The following KCNQ5 variants were observed in gnomAD, a reference collection of about 807,000 sequenced individuals.
KCNQ5 encodes potassium voltage-gated channel subfamily Q member 5, also known as potassium voltage-gated channel subfamily KQT member 5.
In KCNQ5, 30 loss-of-function variants were observed where a neutral mutation model predicts 98.2. The ratio of observed to expected loss-of-function variants is 0.31; its 90% CI spans 0.23 to 0.41. The LOEUF (loss-of-function observed/expected upper bound fraction) is 0.41, where lower values mean the gene tolerates loss of function less well. Ranked by LOEUF, KCNQ5 falls within the 10% of genes least tolerant of loss-of-function variation. The pLI is 1.00. For missense variants in KCNQ5, 835 were observed against 1,182.5 expected (o/e 0.71, Z 4.31); for synonymous variants, 458 against 449.4 (o/e 1.02, Z -0.24).
intron 1 of KCNQ5, among the ~76,000 whole-genome samples, chr6:72,649,263 G>C (rs1023436136): frequency 1.3e-5 from 2 of 152,230 alleles, no homozygotes; most frequent in South Asian, 2.1e-4. Context: ...GAATCTCTAC[G>C]TATTTTAAAA....
In KCNQ5 at chr6:72,622,231, C is replaced by G. The variant is rs1049687889; in HGVS notation, c.42C>G (p.Ala14=). 4.0e-6 allele frequency: 5 copies of G among 1,237,698 alleles called. No homozygotes were observed. Among genetic ancestry groups the G allele is most frequent in the Non-Finnish European group, 5.0e-6 (5 of 992,360 alleles). The allele number at this position is 1,237,698 out of a possible 1,614,324, so 76.7% of individuals were successfully genotyped here. ...CGGGAGGAGAGGAGGGCGGCGCCGC[C>G]GGGCTCTGGGTGAAGAGCGGCGCAG... ...HHAGGEEGGA[A]GLWVKSGAAA... is the part of the protein sequence containing the mutation. Residue 14 remains alanine (A), a synonymous_variant, in exon 1 of 14, where the codon GCC becomes GCG. Transcript: ENST00000370398. The surrounding 1 kb of genome is among the most constrained non-coding windows in gnomAD (Gnocchi z 6.0).
intron 1 of KCNQ5, among the ~76,000 whole-genome samples, chr6:72,941,360 T>C (rs367774065): frequency 9.9e-5 from 4 of 40,398 alleles, no homozygotes; most frequent in South Asian, 4.3e-3. Flanking sequence ...TTCCTTCTTT[T>C]CTTCCTTCCT....
At chr6:72,779,821 CTGTGTGTGTGTGTGTGTGTGTG>C (rs35526812) in intron 1 of KCNQ5, among the ~76,000 whole-genome samples, 11,948 of 124,914 alleles carry the variant, frequency 0.096, 718 homozygotes, top group Non-Finnish European at 0.14. Flanking sequence ...ATTTAATTTT[CTGTGTGTGTGTGTGTGTGTGTG>C]TGTGTGTGTG....
chr6:73,042,848 T>C (rs1771774275), intron 3 of KCNQ5, among the ~76,000 whole-genome samples: 2 of 152,148 alleles, frequency 1.3e-5, no homozygotes, highest in African/African-American at 4.8e-5. Context: ...GAAAAGTCTA[T>C]ATATAAAAGC....
intron 1 of KCNQ5, among the ~76,000 whole-genome samples, chr6:72,946,755 GT>G (rs1165389857): frequency 1.3e-5 from 2 of 152,176 alleles, no homozygotes; most frequent in Non-Finnish European, 2.9e-5. Context: ...TGATATTTCT[GT>G]TAATTATAAC....
At chr6:72,762,156 A>AC (rs1306034972) in intron 1 of KCNQ5, among the ~76,000 whole-genome samples, 2 of 152,076 alleles carry the variant, frequency 1.3e-5, no homozygotes, top group Non-Finnish European at 2.9e-5. Context: ...AATATGTGCT[A>AC]CCATTCCATA....
chr6:72,859,799 A>G (rs1012035371), intron 1 of KCNQ5, among the ~76,000 whole-genome samples: 3 of 152,058 alleles, frequency 2.0e-5, no homozygotes, highest in African/African-American at 4.8e-5. Context: ...CCTGTTTCTC[A>G]GGCTGGTCTC....
In KCNQ5 at chr6:72,732,452, G is replaced by A. The variant is rs1282230648; in HGVS notation, c.398+109865G>A. ...CTAAAGAGAAGAGCCAACGGGCAGA[G>A]AACTTGCCCAGCAAGAACAGAGTGT... On this transcript the variant is annotated intron_variant, in intron 1 of 13. Coordinates refer to ENST00000370398, the MANE Select transcript of KCNQ5 (RefSeq NM_019842.4). 2.0e-5 allele frequency among the ~76,000 whole-genome samples: 3 copies of A among 152,176 alleles called. No homozygotes were observed. In the East Asian group the frequency reaches 5.8e-4, roughly 29 times the overall value.
chr6:72,764,416 C>A (rs1326228604), intron 1 of KCNQ5, among the ~76,000 whole-genome samples: 2 of 151,942 alleles, frequency 1.3e-5, no homozygotes, highest in African/African-American at 4.8e-5. Flanking sequence ...GCTAGGAATA[C>A]TGTTTTGAAC....
chr6:72,966,388 G>A (rs867083657), intron 1 of KCNQ5, among the ~76,000 whole-genome samples: 3 of 150,330 alleles, frequency 2.0e-5, no homozygotes, highest in African/African-American at 7.4e-5. Flanking sequence ...GTGAAACCCT[G>A]TCTCTATTAA....
intron 1 of KCNQ5, among the ~76,000 whole-genome samples, chr6:72,918,017 G>C (rs1780234522): frequency 6.6e-6 from 1 of 152,106 alleles, no homozygotes; most frequent in South Asian, 2.1e-4. Flanking sequence ...GCACCCCTTA[G>C]TTGTAACAAC....
In KCNQ5 at chr6:73,193,438, C is replaced by A. The variant is rs1471815102; in HGVS notation, c.1836+747C>A. On this transcript the variant is annotated intron_variant, in intron 13 of 13. Coordinates refer to ENST00000370398, the MANE Select transcript of KCNQ5 (RefSeq NM_019842.4). Reference sequence around the variant, plus strand: ...GTCAGGAGTTCAAGACCAACCTGACCAACATGGTGAAACCCTGTCTCTACT... The same window carrying A: ...GTCAGGAGTTCAAGACCAACCTGACAAACATGGTGAAACCCTGTCTCTACT... Among the ~76,000 whole-genome samples the A allele has an allele frequency of 2.6e-5, 3 of 115,406 alleles. No individual in the cohort carries two copies. In the East Asian group the frequency reaches 7.5e-4, roughly 29 times the overall value. The allele number at this position is 115,406 out of a possible 152,430, so 75.7% of individuals were successfully genotyped here.
intron 1 of KCNQ5, among the ~76,000 whole-genome samples, chr6:72,883,883 A>G (rs971134685): frequency 1.3e-5 from 2 of 152,242 alleles, no homozygotes; most frequent in African/African-American, 4.8e-5. Context: ...TTCAAATGCC[A>G]AAGAAGTACA....
intron 10 of KCNQ5, chr6:73,136,759 A>G (rs1183917471): frequency 1.3e-5 from 2 of 152,262 alleles, no homozygotes; most frequent in African/African-American, 4.8e-5. Context: ...AAAATTAAGT[A>G]GCTGTCAAAT....
At chr6:72,990,736 A>G (rs1368624920) in intron 1 of KCNQ5, among the ~76,000 whole-genome samples, 1 of 19,318 alleles carries the variant, frequency 5.2e-5, no homozygotes, top group Non-Finnish European at 9.4e-5. Context: ...GTCTTGTGCC[A>G]GTTTTCAAAG....
Position 72,886,256 on chromosome 6 carries a change from T to C in KCNQ5, c.399-117652T>C, listed in dbSNP as rs144461436. 1.1e-3 allele frequency among the ~76,000 whole-genome samples: 171 copies of C among 152,310 alleles called. 1 individual carries two copies. Among genetic ancestry groups the C allele is most frequent in the African/African-American group, 3.8e-3 (159 of 41,574 alleles). On this transcript the variant is annotated intron_variant, in intron 1 of 13. Transcript: ENST00000370398. ...GTGGGGAGCAAGGGAACATTAGAGA[T>C]ACACAGGCATCATACCTGAAAGAAG...
At chr6:72,818,387 G>T (rs1775596686) in intron 1 of KCNQ5, among the ~76,000 whole-genome samples, 1 of 151,946 alleles carries the variant, frequency 6.6e-6, no homozygotes, top group Admixed American at 6.6e-5. Context: ...TTTTAAAAAC[G>T]ATTTTTCACA....
chr6:72,760,667 G>A (rs943193391), intron 1 of KCNQ5, among the ~76,000 whole-genome samples: 3 of 152,088 alleles, frequency 2.0e-5, no homozygotes, highest in African/African-American at 7.2e-5. Flanking sequence ...TGGGCTAGAA[G>A]GGGCGGGTAT....
intron 1 of KCNQ5, among the ~76,000 whole-genome samples, chr6:72,901,528 GGT>G (rs1581985551): frequency 1.3e-5 from 2 of 152,252 alleles, no homozygotes; most frequent in East Asian, 3.9e-4. Flanking sequence ...TTTTGTATAA[GGT>G]GAGAGATAAG....
Sources: gnomAD v4.1 joint callset for allele counts (sites outside exome capture counted in the v4.1 genomes callset) on GRCh38, gnomAD v4.1.1 for gene constraint, Gnocchi (gnomAD v3.1) non-coding constraint, MANE v1.5 for transcripts, NCBI Gene and HGNC (gene_info 2026-07-23, HGNC 2026-07-21) for gene names.